The following BMAL2 variants were observed in gnomAD, a reference collection of about 807,000 sequenced individuals.
BMAL2 encodes the protein basic helix-loop-helix ARNT-like protein 2.
At chr12:27,420,670 A>G in the BMAL2 span, 1 of 1,028,352 alleles carries the variant, frequency 9.7e-7, no homozygotes, top group Non-Finnish European at 1.3e-6. Context: ...ATAGATTTGC[A>G]TCTTCCTGTC....
the BMAL2 span, chr12:27,415,940 G>T: frequency 1.3e-6 from 2 of 1,587,650 alleles, no homozygotes; most frequent in Non-Finnish European, 1.7e-6. Context: ...ACTGTAAACT[G>T]CAGGAGTGTA....
At chr12:27,360,222 A>G in the BMAL2 span, among the ~76,000 whole-genome samples, 7 of 152,146 alleles carry the variant, frequency 4.6e-5, no homozygotes, top group Non-Finnish European at 1.0e-4. Context: ...CATTCTAGAA[A>G]ATAACTTCCC....
chr12:27,394,208 A>G, the BMAL2 span, among the ~76,000 whole-genome samples: 1 of 152,142 alleles, frequency 6.6e-6, no homozygotes, highest in Non-Finnish European at 1.5e-5. Flanking sequence ...CTAGGATTTC[A>G]GGTGTGAGCC....
chr12:27,336,060 TAAC>T, the BMAL2 span, among the ~76,000 whole-genome samples: 3 of 152,272 alleles, frequency 2.0e-5, no homozygotes, highest in Admixed American at 6.5e-5. Context: ...AATGAGCAAA[TAAC>T]AATTCATTCT....
the BMAL2 span, among the ~76,000 whole-genome samples, chr12:27,351,824 C>CT: frequency 2.0e-5 from 3 of 152,214 alleles, no homozygotes; most frequent in African/African-American, 7.2e-5. Flanking sequence ...GAGTAACAAT[C>CT]TATCTTTTCA....
the BMAL2 span, chr12:27,394,714 A>G: frequency 6.6e-6 from 1 of 152,176 alleles, no homozygotes; most frequent in Non-Finnish European, 1.5e-5. Flanking sequence ...CAGAATTCGT[A>G]TGTTGATGCC....
the BMAL2 span, among the ~76,000 whole-genome samples, chr12:27,396,425 A>T: frequency 6.6e-6 from 1 of 152,230 alleles, no homozygotes; most frequent in African/African-American, 2.4e-5. Context: ...AGGAAACTGC[A>T]CTTTTAGAAG....
At chr12:27,415,466 A>G in the BMAL2 span, among the ~76,000 whole-genome samples, 1 of 152,130 alleles carries the variant, frequency 6.6e-6, no homozygotes, top group Non-Finnish European at 1.5e-5. Flanking sequence ...AATATGGCAC[A>G]TTTTCCACTT....
At chr12:27,421,762 G>T in the BMAL2 span, 2 of 152,178 alleles carry the variant, frequency 1.3e-5, no homozygotes, top group African/African-American at 2.4e-5. Flanking sequence ...AATGTCTTGT[G>T]TAAAGTCACA....
At chr12:27,345,014 G>C in the BMAL2 span, among the ~76,000 whole-genome samples, 41 of 152,194 alleles carry the variant, frequency 2.7e-4, no homozygotes, top group Non-Finnish European at 5.6e-4. Context: ...GGTCATTCCT[G>C]TTCATGGCAG....
the BMAL2 span, among the ~76,000 whole-genome samples, chr12:27,366,177 A>G: frequency 6.6e-6 from 1 of 151,726 alleles, no homozygotes; most frequent in Non-Finnish European, 1.5e-5. Flanking sequence ...TGTTTTATGT[A>G]TGATATCAAT....
the BMAL2 span, among the ~76,000 whole-genome samples, chr12:27,356,409 C>G: frequency 6.6e-6 from 1 of 152,136 alleles, no homozygotes. Context: ...GGTGTTACAT[C>G]CAGGGCCCTC....
chr12:27,383,933 G>GCCA, the BMAL2 span, among the ~76,000 whole-genome samples: 2 of 151,992 alleles, frequency 1.3e-5, no homozygotes, highest in Non-Finnish European at 2.9e-5. Flanking sequence ...CACTTACTTT[G>GCCA]CCACCACCAC....
At chr12:27,360,060 A>AT in the BMAL2 span, among the ~76,000 whole-genome samples, 4 of 150,082 alleles carry the variant, frequency 2.7e-5, no homozygotes, top group Non-Finnish European at 4.5e-5. Context: ...TTAAAAAAAA[A>AT]AAAAAAAAAA....
chr12:27,382,612 C>G, the BMAL2 span, among the ~76,000 whole-genome samples: 1 of 152,160 alleles, frequency 6.6e-6, no homozygotes, highest in African/African-American at 2.4e-5. Context: ...CCAGATCCTT[C>G]GGTCAGTGCT....
chr12:27,415,000 A>T, the BMAL2 span, among the ~76,000 whole-genome samples: 11 of 152,328 alleles, frequency 7.2e-5, no homozygotes, highest in East Asian at 1.5e-3. Flanking sequence ...CATCTCTCTT[A>T]TGTGCAGAAT....
At chr12:27,373,664 G>A in the BMAL2 span, among the ~76,000 whole-genome samples, 8 of 152,176 alleles carry the variant, frequency 5.3e-5, no homozygotes, top group Non-Finnish European at 1.0e-4. Flanking sequence ...AAGGAAGCAC[G>A]TTCCAAAAAG....
chr12:27,357,069 G>T, the BMAL2 span, among the ~76,000 whole-genome samples: 1 of 152,114 alleles, frequency 6.6e-6, no homozygotes, highest in African/African-American at 2.4e-5. Context: ...CCAGGTCGCT[G>T]CAAATGACAT....
chr12:27,420,769 AG>A, the BMAL2 span: 1 of 370,300 alleles, frequency 2.7e-6, no homozygotes, highest in African/African-American at 2.1e-5. Flanking sequence ...ATAATCCACT[AG>A]TTGCCATATT....
Sources: gnomAD v4.1 joint callset for allele counts (sites outside exome capture counted in the v4.1 genomes callset) on GRCh38, gnomAD v4.1.1 for gene constraint, MANE v1.5 for transcripts, NCBI Gene and HGNC (gene_info 2026-07-23, HGNC 2026-07-21) for gene names.